ACTR3B: variants seen among roughly 807,000 people sequenced by gnomAD.
The protein encoded by ACTR3B is actin related protein 3B, also known as actin-related protein 3B.
Under a neutral mutation model 59.0 loss-of-function variants are expected in ACTR3B, and 8 were observed. The ratio of observed to expected loss-of-function variants is 0.14; its 90% confidence interval spans 0.08 to 0.24. The LOEUF (loss-of-function observed/expected upper bound fraction) is 0.24. Among genes scored for constraint, ACTR3B ranks in the 10% least tolerant of loss-of-function variants. The pLI, the probability that ACTR3B is intolerant of heterozygous loss-of-function variation, is 1.00. For missense variants in ACTR3B, 245 were observed against 552.3 expected (o/e 0.44, Z 5.58); for synonymous variants, 148 against 197.9 (o/e 0.75, Z 2.12).
chr7:152,832,953 T>A (rs1797145899), intron 9 of ACTR3B, among the ~76,000 whole-genome samples: 1 of 152,164 alleles, frequency 6.6e-6, no homozygotes, highest in Admixed American at 6.6e-5. Flanking sequence ...CTGGGTGCTG[T>A]GCCCTGGCCA....
chr7:152,809,729 G>C (rs577398730), intron 4 of ACTR3B, among the ~76,000 whole-genome samples: 8 of 151,988 alleles, frequency 5.3e-5, no homozygotes, highest in Non-Finnish European at 7.4e-5. Context: ...ATTTAGTAGA[G>C]ACGGGGTTTC....
chr7:152,827,559 C>T (rs1010053250), intron 9 of ACTR3B, among the ~76,000 whole-genome samples: 16 of 151,542 alleles, frequency 1.1e-4, no homozygotes, highest in South Asian at 2.1e-4. Context: ...TTTCTTTGCA[C>T]GTGGTTCACG....
At chr7:152,840,516 G>A (rs1366652830) in intron 9 of ACTR3B, among the ~76,000 whole-genome samples, 1 of 151,862 alleles carries the variant, frequency 6.6e-6, no homozygotes, top group East Asian at 2.0e-4. Context: ...GGGGGAGTGT[G>A]AGGCCTTTGG....
intron 1 of ACTR3B, among the ~76,000 whole-genome samples, chr7:152,773,831 G>GAGGAGCA (rs2098130015): frequency 6.6e-6 from 1 of 152,158 alleles, no homozygotes; most frequent in Non-Finnish European, 1.5e-5. Flanking sequence ...TGAAGCCAGG[G>GAGGAGCA]AGGAGCAAGT....
chr7:152,809,270 G>A (rs867348892), intron 4 of ACTR3B, among the ~76,000 whole-genome samples: 6 of 151,150 alleles, frequency 4.0e-5, no homozygotes, highest in Admixed American at 1.3e-4. Context: ...GGGGCAGTGT[G>A]TTTGAACTTT....
chr7:152,810,546 G>A (rs534113367), intron 4 of ACTR3B, among the ~76,000 whole-genome samples: 1 of 151,758 alleles, frequency 6.6e-6, no homozygotes, highest in Non-Finnish European at 1.5e-5. Context: ...TGATCCTCCT[G>A]CCTCAGCCTC....
chr7:152,853,233 T>C (rs1049258488), intron 10 of ACTR3B, among the ~76,000 whole-genome samples: 2 of 151,930 alleles, frequency 1.3e-5, no homozygotes, highest in South Asian at 2.1e-4. Context: ...TTTTGAACTT[T>C]AGCGCTTTGA....
intron 1 of ACTR3B, among the ~76,000 whole-genome samples, chr7:152,766,953 A>G (rs1265583485): frequency 1.3e-5 from 2 of 151,840 alleles, no homozygotes; most frequent in Non-Finnish European, 2.9e-5. Flanking sequence ...CATCGGGCTA[A>G]TTTTTGTATT....
At chr7:152,768,825 A>G (rs189045908) in intron 1 of ACTR3B, among the ~76,000 whole-genome samples, 2 of 151,204 alleles carry the variant, frequency 1.3e-5, no homozygotes, top group Admixed American at 1.3e-4. Flanking sequence ...TATATGAACT[A>G]CCTTATTAAT....
At chr7:152,769,425 C>T (rs2098118870) in intron 1 of ACTR3B, among the ~76,000 whole-genome samples, 1 of 152,028 alleles carries the variant, frequency 6.6e-6, no homozygotes, top group Non-Finnish European at 1.5e-5. Context: ...CTTGCTTCTC[C>T]TTGTGTTTGT....
At chr7:152,849,936 TG>T (rs1268724949) in intron 9 of ACTR3B, among the ~76,000 whole-genome samples, 3 of 152,104 alleles carry the variant, frequency 2.0e-5, no homozygotes, top group Non-Finnish European at 2.9e-5. Context: ...ACCAGGTCAC[TG>T]GTGGCACTCC....
chr7:152,764,234 T>G (rs1023706848), intron 1 of ACTR3B, among the ~76,000 whole-genome samples: 2 of 152,080 alleles, frequency 1.3e-5, no homozygotes, highest in Non-Finnish European at 2.9e-5. Flanking sequence ...CTTGAACTCC[T>G]AACCTCAGGT....
At chr7:152,806,209 G>C (rs1485237147) in intron 4 of ACTR3B, among the ~76,000 whole-genome samples, 1 of 152,156 alleles carries the variant, frequency 6.6e-6, no homozygotes, top group Admixed American at 6.5e-5. Flanking sequence ...GTCTCCTAAA[G>C]GAATAATTAT....
intron 1 of ACTR3B, among the ~76,000 whole-genome samples, chr7:152,773,314 G>A (rs10278253): frequency 0.021 from 3,223 of 152,162 alleles, 103 homozygotes; most frequent in African/African-American, 0.072. Context: ...GGGGCCAGAC[G>A]CAGTGGCTCA....
rs1796454505 is a variant in ACTR3B, at chr7:152,824,945, TGTTAAA to T, written c.859-80_859-75del. On this transcript the variant is annotated intron_variant, in intron 8 of 11. Coordinates refer to ENST00000256001, the MANE Select transcript of ACTR3B (RefSeq NM_020445.6). This position sits in a 1 kb window ranked among gnomAD's most constrained non-coding sequence, Gnocchi z 4.2. ...TTTAAGTTATAATAAATTGTATATTTGTTAAAGTTACTTTAAAGAAGTGTGCATGTT... is the reference window on the plus strand; with the variant it reads ...TTTAAGTTATAATAAATTGTATATTTGTTACTTTAAAGAAGTGTGCATGTT... 18 of 1,375,232 alleles carry T rather than the reference TGTTAAA, an allele frequency of 1.3e-5. No homozygotes were observed. Among genetic ancestry groups the T allele is most frequent in the Non-Finnish European group, 1.7e-5 (17 of 1,008,020 alleles). The allele number at this position is 1,375,232 out of a possible 1,614,324, so 85.2% of individuals were successfully genotyped here. A position where few individuals can be genotyped will look rare whatever the true frequency, so the allele number is the denominator to read the frequency against.
At chr7:152,829,057 T>TATACAC (rs1390377342) in intron 9 of ACTR3B, among the ~76,000 whole-genome samples, 25 of 144,776 alleles carry the variant, frequency 1.7e-4, no homozygotes, top group African/African-American at 6.8e-4. Context: ...TATATATATA[T>TATACAC]ACACACACAC....
intron 6 of ACTR3B, among the ~76,000 whole-genome samples, chr7:152,819,157 A>G (rs1290758858): frequency 2.0e-5 from 3 of 152,246 alleles, no homozygotes; most frequent in African/African-American, 4.8e-5. Context: ...ATCTTAAAAT[A>G]CCTTACAAAT....
intron 9 of ACTR3B, among the ~76,000 whole-genome samples, chr7:152,829,797 C>T (rs541550059): frequency 6.6e-6 from 1 of 152,310 alleles, no homozygotes; most frequent in East Asian, 1.9e-4. Flanking sequence ...TTGGATCAGC[C>T]AGCGTTTAGT....
chr7:152,814,667 A>T (rs1489790681), intron 5 of ACTR3B, 22 bp downstream of exon 5: 1 of 1,593,528 alleles, frequency 6.3e-7, no homozygotes, highest in South Asian at 1.1e-5. Flanking sequence ...TACGTTTGTG[A>T]TTCCTAAAGC....
Sources: allele counts gnomAD v4.1 joint callset (sites outside exome capture counted in the v4.1 genomes callset), GRCh38; gene constraint gnomAD v4.1.1; non-coding constraint Gnocchi (gnomAD v3.1); transcripts MANE v1.5; gene names NCBI Gene and HGNC (gene_info 2026-07-23, HGNC 2026-07-21).